The following FASTKD5 variants were observed in gnomAD, a reference collection of about 807,000 sequenced individuals.
The protein encoded by FASTKD5 is FAST kinase domains 5.
In FASTKD5, 30 loss-of-function variants were observed where a neutral mutation model predicts 44.0. The ratio of observed to expected loss-of-function variants is 0.68; its 90% CI spans 0.51 to 0.93. The LOEUF is 0.93. Among genes scored for constraint, FASTKD5 ranks in the 40% least tolerant of loss-of-function variants. FASTKD5 has a pLI of 0.00. For synonymous variants in FASTKD5, 335 were observed against 342.2 expected (o/e 0.98, Z 0.23); for missense variants, 868 against 908.2 (o/e 0.96, Z 0.57).
At chr20:3,153,333 G>A (rs1239560545) in intron 1 of FASTKD5, among the ~76,000 whole-genome samples, 1 of 152,356 alleles carries the variant, frequency 6.6e-6, no homozygotes, top group East Asian at 1.9e-4. Flanking sequence ...AATAACCAGA[G>A]CTATGCCTTA....
chr20:3,148,071 CAG>C lies in FASTKD5; in HGVS notation c.998_999del (p.Ser333Ter). ...TCTCCAATTTTCCGCATGACAAATTCAGAGAGATTAGTACTTGATTTAAAGAA... is the reference window on the plus strand; with the variant it reads ...TCTCCAATTTTCCGCATGACAAATTCAGAGATTAGTACTTGATTTAAAGAA... ...LGFFKSSTNL[S>X]EFVMRKIGDL... On this transcript the variant is annotated frameshift_variant, in exon 2 of 2. Transcript: ENST00000380266. LOFTEE classifies it high-confidence loss of function. 1.9e-6 allele frequency: 3 copies of C among 1,614,166 alleles called. No individual in the cohort carries two copies. Among genetic ancestry groups the C allele is most frequent in the Non-Finnish European group, 2.5e-6 (3 of 1,180,030 alleles).
chr20:3,158,698 TC>T lies in FASTKD5; in HGVS notation c.-191+1067del, dbSNP rs550790330. ...ACCATATTAGCCAAGATGGTCTCGATCTCCTGACCTCGTGATCCGCCCGCCT... is the reference window on the plus strand; with the variant it reads ...ACCATATTAGCCAAGATGGTCTCGATTCCTGACCTCGTGATCCGCCCGCCT... On this transcript the variant is annotated intron_variant, in intron 1 of 1. Transcript: ENST00000380266. Among the ~76,000 whole-genome samples the T allele has an allele frequency of 5.0e-3, 765 of 152,260 alleles. 4 individuals are homozygous for T. The highest frequency in any genetic ancestry group is 9.3e-3 in the South Asian group (45 of 4,826).
chr20:3,147,123 G>A lies in FASTKD5; in HGVS notation c.1948C>T (p.Pro650Ser). Residue 650 changes from proline to serine, a missense_variant, in exon 2 of 2, where the codon CCT becomes TCT. By Grantham distance (74) the Pro-to-Ser change is moderately conservative. Coordinates refer to ENST00000380266, the MANE Select transcript of FASTKD5 (RefSeq NM_021826.5). ...GHFQGKTESE[P>S]GQQPMELENK... ...TCCAACTCCATGGGCTGCTGCCCAGGCTCTGACTCAGTTTTGCCCTGGAAA... is the reference window on the plus strand; with the variant it reads ...TCCAACTCCATGGGCTGCTGCCCAGACTCTGACTCAGTTTTGCCCTGGAAA... 2 of 1,613,744 alleles carry A rather than the reference G, an allele frequency of 1.2e-6. No homozygotes were observed. Among genetic ancestry groups the A allele is most frequent in the Non-Finnish European group, 1.7e-6 (2 of 1,180,038 alleles).
intron 1 of FASTKD5, among the ~76,000 whole-genome samples, chr20:3,152,530 C>T (rs1353390571): frequency 3.3e-5 from 5 of 151,782 alleles, no homozygotes; most frequent in African/African-American, 1.2e-4. Flanking sequence ...GACCTACTTT[C>T]GAATTTGGAA....
chr20:3,152,155 A>G (rs1421430952), intron 1 of FASTKD5, among the ~76,000 whole-genome samples: 2 of 150,900 alleles, frequency 1.3e-5, no homozygotes, highest in Non-Finnish European at 2.9e-5. Context: ...AGGTAACAGA[A>G]CTCTCCAGCT....
At position 3,148,010 on chromosome 20, in the gene FASTKD5, C is replaced by T. The variant is rs772486694; in HGVS notation, c.1061G>A (p.Arg354His). The T allele has an allele frequency of 5.0e-6, 8 of 1,614,170 alleles. No homozygotes were observed. Among genetic ancestry groups the T allele is most frequent in the East Asian group, 2.2e-5 (1 of 44,888 alleles). Residue 354 changes from arginine to histidine, a missense_variant, in exon 2 of 2, where the codon CGC becomes CAC. Transcript: ENST00000380266. ...ACANIQHLSS[R>H]SLVNIVKMFR... is the part of the protein sequence containing the mutation. ...CATTTTAACAATATTCACTAAGGAG[C>T]GACTACTCAGATGCTGAATGTTAGC...
rs1021477316 is a variant in FASTKD5 at position 3,149,462 on chromosome 20, G to A, written c.-190-202C>T. Among the ~76,000 whole-genome samples the A allele has an allele frequency of 3.9e-5, 6 of 152,128 alleles. No homozygotes were observed. The highest frequency in any genetic ancestry group is 1.2e-4 in the African/African-American group (5 of 41,442). The stretch of plus-strand genomic sequence containing the variant: ...GGCCTAGGAAAACCCCCAACCCAGG[G>A]TACCCGTGGGCAGTTCCTGGACTGC... On this transcript the variant is annotated intron_variant, in intron 1 of 1. Coordinates refer to ENST00000380266, the MANE Select transcript of FASTKD5 (RefSeq NM_021826.5). The surrounding 1 kb of genome is among the most constrained non-coding windows in gnomAD (Gnocchi z 4.1).
Position 3,148,487 on chromosome 20 carries a change from ACACTCAGCTGGCAGAG to A in FASTKD5, c.568_583del (p.Leu190Ter). ...GGTATCAAAGAGCTGTATCTTCTTC[ACACTCAGCTGGCAGAG>A]CAGAGCAAAGCTGGTACTGCCCAGC... On this transcript the variant is annotated frameshift_variant, in exon 2 of 2. Transcript: ENST00000380266. LOFTEE classifies it high-confidence loss of function. 2 of 1,614,142 alleles carry A rather than the reference ACACTCAGCTGGCAGAG, an allele frequency of 1.2e-6. No individual in the cohort carries two copies. The highest frequency in any genetic ancestry group is 1.7e-6 in the Non-Finnish European group (2 of 1,180,028).
chr20:3,158,461 C>CTTA (rs1555765822), intron 1 of FASTKD5, among the ~76,000 whole-genome samples: 2 of 151,600 alleles, frequency 1.3e-5, no homozygotes, highest in African/African-American at 4.9e-5. Flanking sequence ...ATTTTATTTA[C>CTTA]TTATTTATTT....
chr20:3,147,667 G>A lies in FASTKD5; in HGVS notation c.1404C>T (p.Tyr468=), dbSNP rs2066580601. 6.2e-7 allele frequency: 1 copy of A among 1,614,216 alleles called. No homozygotes were observed. The highest frequency in any genetic ancestry group is 8.5e-7 in the Non-Finnish European group (1 of 1,180,046). The change falls in exon 2 of 2, where the codon TAC becomes TAT. Residue 468 remains tyrosine, a synonymous_variant. Coordinates refer to ENST00000380266, the MANE Select transcript of FASTKD5 (RefSeq NM_021826.5). ...GCAGGCAGGTGGGCAGGTGTTCTGG[G>A]TACTGGTTGAATTCAGGCATCTTTC... The part of the protein sequence containing the change: ...IHRKMPEFNQ[Y]PEHLPTCLLG...
Position 3,148,932 on chromosome 20 carries a change from T to C in FASTKD5, c.139A>G (p.Ile47Val). 1 of 1,614,234 alleles carries C rather than the reference T, an allele frequency of 6.2e-7. No individual in the cohort carries two copies. The highest frequency in any genetic ancestry group is 8.5e-7 in the Non-Finnish European group (1 of 1,180,050). Residue 47 changes from isoleucine to valine, a missense_variant, in exon 2 of 2, where the codon ATT (isoleucine) becomes GTT (valine). Coordinates refer to ENST00000380266, the MANE Select transcript of FASTKD5 (RefSeq NM_021826.5). ...QHGGQDPPEH[I>V]SLCHSAKKVK... is the part of the protein sequence containing the mutation. ...TTTTTGGCAGAATGGCAGAGGCTAA[T>C]GTGTTCTGGAGGGTCCTGTCCCCCA...
In FASTKD5 at chr20:3,148,391, A is replaced by G. The variant is rs2066590635; in HGVS notation, c.680T>C (p.Val227Ala). The G allele has an allele frequency of 1.2e-6, 2 of 1,614,078 alleles. No individual in the cohort carries two copies. The highest frequency in any genetic ancestry group is 1.7e-6 in the Non-Finnish European group (2 of 1,180,038). Residue 227 changes from valine to alanine, a missense_variant, in exon 2 of 2, where the codon GTG becomes GCG. By Grantham distance (64) the Val-to-Ala change is moderately conservative (BLOSUM62 0). Transcript: ENST00000380266. ...CTGATGGCAACACTTGGTCTCATAC[A>G]CATCTAGCATTGAATGGGAGTGAGG... ...GIPHSHSMLD[V>A]YETKCCHQVW...
intron 1 of FASTKD5, among the ~76,000 whole-genome samples, chr20:3,159,410 T>A (rs1568485817): frequency 6.6e-6 from 1 of 152,216 alleles, no homozygotes; most frequent in Non-Finnish European, 1.5e-5. Context: ...CTCTAAGCGA[T>A]TCGCAGGCAC....
In FASTKD5 at chr20:3,148,447, AT is replaced by A. The variant is rs1253220696; in HGVS notation, c.623del (p.Asn208MetfsTer3). On this transcript the variant is annotated frameshift_variant, in exon 2 of 2. Coordinates refer to ENST00000380266, the MANE Select transcript of FASTKD5 (RefSeq NM_021826.5). LOFTEE classifies it high-confidence loss of function. ...CTAAAATGACAAAAGCTTTCAAAAC[AT>A]TGATCAGATCTTGGGTATCAAAGAG... ...IQLFDTQDLINVLKAFVILGI... is the reference protein window; with the variant it reads ...IQLFDTQDLIXVLKAFVILGI... 6.2e-7 allele frequency: 1 copy of A among 1,614,156 alleles called. No individual in the cohort carries two copies. The highest frequency in any genetic ancestry group is 1.7e-5 in the Admixed American group (1 of 60,018).
At position 3,147,896 on chromosome 20, in the gene FASTKD5, C is replaced by T. The variant is rs879073424; in HGVS notation, c.1175G>A (p.Gly392Asp). 3 of 1,614,186 alleles carry T rather than the reference C, an allele frequency of 1.9e-6. No individual in the cohort carries two copies. Among genetic ancestry groups the T allele is most frequent in the Non-Finnish European group, 2.5e-6 (3 of 1,180,036 alleles). Residue 392 changes from glycine (G) to aspartate (D), a missense_variant, in exon 2 of 2, where the codon GGT becomes GAT. Gly to Asp is a moderately conservative substitution (Grantham distance 94). Transcript: ENST00000380266. The part of the protein sequence containing the change: ...PQRIPSLGVQ[G>D]VMHLTLYCSA... ...GCAGTAAAGAGTCAGGTGCATGACA[C>T]CTTGAACTCCCAGGGAAGGAATTCG...
chr20:3,153,072 T>C (rs981736480), intron 1 of FASTKD5, among the ~76,000 whole-genome samples: 2 of 152,208 alleles, frequency 1.3e-5, no homozygotes, highest in African/African-American at 4.8e-5. Flanking sequence ...TACACACTAA[T>C]ATTGAGTGGA....
chr20:3,147,251 G>C lies in FASTKD5; in HGVS notation c.1820C>G (p.Ala607Gly), dbSNP rs900342674. 1 of 1,614,182 alleles carries C rather than the reference G, an allele frequency of 6.2e-7. No individual in the cohort carries two copies. Among genetic ancestry groups the C allele is most frequent in the East Asian group, 2.2e-5 (1 of 44,894 alleles). ...TTTGGCTACATTTTCAGCCGGCGTGGCTTCTCTATTAAATGGTAATGGCTT... is the reference window on the plus strand; with the variant it reads ...TTTGGCTACATTTTCAGCCGGCGTGCCTTCTCTATTAAATGGTAATGGCTT... ...NLKPLPFNRE[A>G]TPAENVAKLR... is the part of the protein sequence containing the mutation. Residue 607 changes from alanine (A) to glycine (G), a missense_variant, in exon 2 of 2, where the codon GCC becomes GGC. Coordinates refer to ENST00000380266, the MANE Select transcript of FASTKD5 (RefSeq NM_021826.5).
Position 3,146,766 on chromosome 20 carries a change from T to C in FASTKD5, c.*10A>G. 3.1e-6 allele frequency: 5 copies of C among 1,609,416 alleles called. No homozygotes were observed. Among genetic ancestry groups the C allele is most frequent in the Non-Finnish European group, 4.2e-6 (5 of 1,177,460 alleles). ...TATAGCTTTGCCATAGAAATGCCCCTAAATGCCCTTCAGAGAGCAGAGGTG... is the reference window on the plus strand; with the variant it reads ...TATAGCTTTGCCATAGAAATGCCCCCAAATGCCCTTCAGAGAGCAGAGGTG... On this transcript the variant is annotated 3_prime_UTR_variant, in exon 2 of 2. Coordinates refer to ENST00000380266, the MANE Select transcript of FASTKD5 (RefSeq NM_021826.5).
At position 3,147,685 on chromosome 20, in the gene FASTKD5, C is replaced by T. The variant is rs780054379; in HGVS notation, c.1386G>A (p.Met462Ile). The T allele has an allele frequency of 6.2e-7, 1 of 1,614,234 alleles. No homozygotes were observed. The highest frequency in any genetic ancestry group is 1.7e-5 in the Admixed American group (1 of 60,020). The change falls in exon 2 of 2, where the codon ATG (methionine) becomes ATA (isoleucine). Residue 462 changes from methionine to isoleucine, a missense_variant. Met to Ile is a conservative substitution (Grantham distance 10, BLOSUM62 1). Coordinates refer to ENST00000380266, the MANE Select transcript of FASTKD5 (RefSeq NM_021826.5). ...GTTCTGGGTACTGGTTGAATTCAGGCATCTTTCTGTGAATCTCACTTATCA... is the reference window on the plus strand; with the variant it reads ...GTTCTGGGTACTGGTTGAATTCAGGTATCTTTCTGTGAATCTCACTTATCA... ...SSLISEIHRK[M>I]PEFNQYPEHL...
Sources: gnomAD v4.1 joint callset for allele counts (sites outside exome capture counted in the v4.1 genomes callset) on GRCh38, gnomAD v4.1.1 for gene constraint, Gnocchi (gnomAD v3.1) non-coding constraint, MANE v1.5 for transcripts, NCBI Gene and HGNC (gene_info 2026-07-23, HGNC 2026-07-21) for gene names.